GSK3B: variants seen among roughly 807,000 people sequenced by gnomAD.
GSK3B encodes the protein glycogen synthase kinase-3 beta.
In GSK3B, 15 loss-of-function variants were observed where a neutral mutation model predicts 56.4. That is an observed-to-expected ratio of 0.27 (90% confidence interval 0.18 to 0.41). The LOEUF (loss-of-function observed/expected upper bound fraction) is 0.41, where lower values mean the gene tolerates loss of function less well. Ranked by LOEUF, GSK3B falls within the 10% of genes least tolerant of loss-of-function variation. The pLI, the probability that GSK3B is intolerant of heterozygous loss-of-function variation, is 1.00. For synonymous variants in GSK3B, 181 were observed against 188.9 expected (o/e 0.96, Z 0.34); for missense variants, 300 against 513.4 (o/e 0.58, Z 4.02).
At chr3:119,920,456 G>T (rs980289177) in intron 4 of GSK3B, among the ~76,000 whole-genome samples, 8 of 151,678 alleles carry the variant, frequency 5.3e-5, no homozygotes, top group African/African-American at 1.7e-4. Context: ...GGCCAGGCTG[G>T]TCTTGAACTC....
chr3:119,915,962 T>C (rs1335003168), intron 5 of GSK3B, 82 bp downstream of exon 5: 14 of 920,196 alleles, frequency 1.5e-5, no homozygotes, highest in Admixed American at 7.0e-5. Context: ...TAGGCTGATA[T>C]TGCAAAAGGA....
rs760784583 is a variant in GSK3B, at chr3:119,947,340, G to A, written c.294C>T (p.Leu98=). The change falls in exon 3 of 11, where the codon CTC becomes CTT. Residue 98 remains leucine, a synonymous_variant. Coordinates refer to ENST00000264235, the MANE Select transcript of GSK3B (RefSeq NM_001146156.2). ...AGTGATCTAGCTTTCTCATGATCTG[G>A]AGCTCTCGATTCTGAAAAGGAAACA... is the stretch of plus-strand genomic sequence containing the variant. ...LQDKRFKNRE[L]QIMRKLDHCN... 6.3e-7 allele frequency: 1 copy of A among 1,591,892 alleles called. No homozygotes were observed. The highest frequency in any genetic ancestry group is 8.6e-7 in the Non-Finnish European group (1 of 1,160,494).
intron 1 of GSK3B, among the ~76,000 whole-genome samples, chr3:120,035,990 A>G (rs1178344665): frequency 6.6e-6 from 1 of 152,172 alleles, no homozygotes; most frequent in Non-Finnish European, 1.5e-5. Context: ...TGCTCTGGCT[A>G]GAAACTCTAG....
chr3:120,092,529 T>C (rs1381489537), intron 1 of GSK3B, among the ~76,000 whole-genome samples: 1 of 152,222 alleles, frequency 6.6e-6, no homozygotes, highest in Non-Finnish European at 1.5e-5. Flanking sequence ...ACATTTAACT[T>C]AGTATTTGGC....
chr3:119,964,430 T>G (rs1294524036), intron 2 of GSK3B, among the ~76,000 whole-genome samples: 1 of 152,208 alleles, frequency 6.6e-6, no homozygotes, highest in African/African-American at 2.4e-5. Context: ...TTACAAGTTT[T>G]TTTAATAAGA....
chr3:119,921,492 T>C (rs765534166), intron 4 of GSK3B, among the ~76,000 whole-genome samples: 2 of 152,204 alleles, frequency 1.3e-5, no homozygotes, highest in East Asian at 1.9e-4. Context: ...CAAAAATATA[T>C]TTAATTATCA....
rs2056029484 is a variant in GSK3B, at chr3:119,856,916, C to T, written c.1096+6503G>A. 2.6e-5 allele frequency among the ~76,000 whole-genome samples: 4 copies of T among 152,252 alleles called. 1 individual carries two copies. The South Asian group carries it at 6.2e-4, about 24-fold the overall frequency. ...ATACAGGAATACCTCGGAGATACTA[C>T]AGATTCAGTTTTAGACCACTACAAT... On this transcript the variant is annotated intron_variant, in intron 9 of 10. Transcript: ENST00000264235.
chr3:120,004,803 C>T (rs1322649168), intron 1 of GSK3B, among the ~76,000 whole-genome samples: 1 of 152,140 alleles, frequency 6.6e-6, no homozygotes, highest in East Asian at 1.9e-4. Flanking sequence ...ATAGATAAAA[C>T]CACAAAGATG....
chr3:120,023,208 T>C (rs752268892), intron 1 of GSK3B, among the ~76,000 whole-genome samples: 21 of 149,984 alleles, frequency 1.4e-4, no homozygotes, highest in Non-Finnish European at 2.5e-4. Flanking sequence ...ACATACTCAT[T>C]TAAAAAAAAA....
chr3:119,887,637 T>C (rs1407078168), intron 7 of GSK3B, among the ~76,000 whole-genome samples: 2 of 151,972 alleles, frequency 1.3e-5, no homozygotes, highest in Non-Finnish European at 2.9e-5. Context: ...GTGACTTGAG[T>C]CTGATGGTGG....
intron 1 of GSK3B, among the ~76,000 whole-genome samples, chr3:120,038,435 G>T (rs981178591): frequency 6.6e-6 from 1 of 152,080 alleles, no homozygotes; most frequent in South Asian, 2.1e-4. Flanking sequence ...GGCTGAGATG[G>T]CAGCACTGAT....
chr3:120,025,731 A>T (rs1019304102), intron 1 of GSK3B, among the ~76,000 whole-genome samples: 6 of 152,178 alleles, frequency 3.9e-5, no homozygotes, highest in Non-Finnish European at 8.8e-5. Flanking sequence ...AACAGAAAAA[A>T]ATTAGTCACC....
At chr3:119,902,123 C>T (rs988487376) in intron 7 of GSK3B, among the ~76,000 whole-genome samples, 7 of 152,114 alleles carry the variant, frequency 4.6e-5, no homozygotes, top group African/African-American at 1.4e-4. Context: ...AATTTCAAAT[C>T]TATTCTTAAA....
chr3:119,988,633 T>C (rs924173000), intron 2 of GSK3B, among the ~76,000 whole-genome samples: 1 of 152,178 alleles, frequency 6.6e-6, no homozygotes, highest in Non-Finnish European at 1.5e-5. Context: ...AAGTAAAGAA[T>C]GTCACTTTCT....
intron 2 of GSK3B, among the ~76,000 whole-genome samples, chr3:119,981,963 T>C (rs190037693): frequency 2.6e-5 from 4 of 152,242 alleles, no homozygotes; most frequent in Non-Finnish European, 4.4e-5. Context: ...ACACCTCATA[T>C]AGGCAGCTGC....
At chr3:120,085,140 A>T (rs1028784612) in intron 1 of GSK3B, among the ~76,000 whole-genome samples, 3 of 152,214 alleles carry the variant, frequency 2.0e-5, no homozygotes, top group Admixed American at 2.0e-4. Context: ...TACATTTTTT[A>T]AAATTTAAAG....
chr3:119,917,671 T>TA lies in GSK3B; in HGVS notation c.478-1498dup, dbSNP rs11286440. On this transcript the variant is annotated intron_variant, in intron 4 of 10. Coordinates refer to ENST00000264235, the MANE Select transcript of GSK3B (RefSeq NM_001146156.2). ...GAAAACGAGTTTTCTTTTTTTTTTT[T>TA]AAAAAAAAAAAGCTTAATCGTTTAA... Among the ~76,000 whole-genome samples the TA allele has an allele frequency of 1.1e-3, 157 of 144,898 alleles. 1 individual carries two copies. The highest frequency in any genetic ancestry group is 3.5e-3 in the Middle Eastern group (1 of 286).
chr3:119,952,494 A>AG (rs2057167726), intron 2 of GSK3B, among the ~76,000 whole-genome samples: 1 of 149,364 alleles, frequency 6.7e-6, no homozygotes, highest in Admixed American at 6.7e-5. Flanking sequence ...TCTCAAAAAA[A>AG]AAAAAAAAAG....
chr3:119,994,492 T>A (rs2057596431), intron 2 of GSK3B, among the ~76,000 whole-genome samples: 1 of 152,168 alleles, frequency 6.6e-6, no homozygotes, highest in South Asian at 2.1e-4. Flanking sequence ...TTTTCCTACA[T>A]ATTCCTTATA....
Sources: gnomAD v4.1 joint callset for allele counts (sites outside exome capture counted in the v4.1 genomes callset) on GRCh38, gnomAD v4.1.1 for gene constraint, MANE v1.5 for transcripts, NCBI Gene and HGNC (gene_info 2026-07-23, HGNC 2026-07-21) for gene names.